The following RPS6KA6 variants were observed in gnomAD, a reference collection of about 807,000 sequenced individuals.
The protein encoded by RPS6KA6 is ribosomal protein S6 kinase alpha-6.
RPS6KA6 carries 27 observed loss-of-function variants against 65.4 expected under a neutral mutation model. The observed-to-expected ratio is 0.41, with a 90% CI of 0.30 to 0.57. The LOEUF (loss-of-function observed/expected upper bound fraction) is 0.57, where lower values mean the gene tolerates loss of function less well. Among genes scored for constraint, RPS6KA6 ranks in the 20% least tolerant of loss-of-function variants. The pLI is 0.24. For synonymous variants in RPS6KA6, 190 were observed against 184.2 expected (o/e 1.03, Z -0.26); for missense variants, 486 against 555.6 (o/e 0.87, Z 1.26).
intron 1 of RPS6KA6, among the ~76,000 whole-genome samples, chrX:84,182,061 TCTCACACA>T (rs1382326884): frequency 4.0e-4 from 31 of 77,474 alleles, no homozygotes; most frequent in East Asian, 2.8e-3. Context: ...TCTCTCTCTC[TCTCACACA>T]CACACACACA....
At chrX:84,187,714 A>T (rs1182503024) in intron 1 of RPS6KA6, 105 bp downstream of exon 1, 2 of 773,028 alleles carry the variant, frequency 2.6e-6, no homozygotes, top group Non-Finnish European at 3.7e-6. Flanking sequence ...CTTGCCCGGG[A>T]GCCCGCTTCC....
chrX:84,097,019 T>A (rs755917258), intron 19 of RPS6KA6, among the ~76,000 whole-genome samples: 1 of 111,268 alleles, frequency 9.0e-6, no homozygotes, highest in African/African-American at 3.2e-5. Flanking sequence ...CAATTTAGAG[T>A]CACCATTTTT....
Position 84,120,015 on chromosome X carries a change from C to T in RPS6KA6, c.659G>A (p.Ser220Asn). 8.5e-7 allele frequency: 1 copy of T among 1,175,261 alleles called. No individual in the cohort carries two copies. The highest frequency in any genetic ancestry group is 1.1e-6 in the Non-Finnish European group (1 of 877,576). ...CTTTTCTTGATCTACTGACTCCTTG[C>T]TGAGTCCAAAATCTATAATAACAGT... ...GHIKLTDFGL[S>N]KESVDQEKKA... Residue 220 changes from serine (S) to asparagine (N), a missense_variant, in exon 9 of 22, where the codon AGC becomes AAC. Physicochemically the swap from Ser to Asn is conservative, Grantham distance 46. Transcript: ENST00000262752.
intron 6 of RPS6KA6, among the ~76,000 whole-genome samples, chrX:84,140,556 G>A (rs1185064733): frequency 9.3e-6 from 1 of 107,824 alleles, no homozygotes; most frequent in Non-Finnish European, 1.9e-5. Context: ...AGCCAACATG[G>A]TGAAACCCCA....
Position 84,151,260 on chromosome X carries a change from T to C in RPS6KA6, c.259-3137A>G, listed in dbSNP as rs371471052. On this transcript the variant is annotated intron_variant, in intron 3 of 21. Transcript: ENST00000262752. The stretch of plus-strand genomic sequence containing the variant: ...TAGGATATATATAGATATATATATA[T>C]ACACACACACATATACATATATATA... Among the ~76,000 whole-genome samples the C allele has an allele frequency of 4.2e-3, 433 of 103,546 alleles. 1 individual carries two copies. The highest frequency in any genetic ancestry group is 0.012 in the South Asian group (28 of 2,404). 89.9% of individuals were successfully genotyped at this position (103,546 alleles called of 115,157 possible). A position where few individuals can be genotyped will look rare whatever the true frequency, so the allele number is the denominator to read the frequency against.
intron 20 of RPS6KA6, among the ~76,000 whole-genome samples, chrX:84,092,790 C>CA (rs1446295848): frequency 9.0e-6 from 1 of 111,223 alleles, no homozygotes; most frequent in Non-Finnish European, 1.9e-5. Context: ...AGTGGTTCCT[C>CA]AAAAAATTCT....
intron 1 of RPS6KA6, among the ~76,000 whole-genome samples, chrX:84,182,749 G>C (rs1009673524): frequency 8.9e-6 from 1 of 111,890 alleles, no homozygotes; most frequent in Admixed American, 9.5e-5. Flanking sequence ...CTGTGGCAGG[G>C]AGGGGCCACT....
At chrX:84,143,449 T>C (rs760063082) in intron 6 of RPS6KA6, among the ~76,000 whole-genome samples, 12 of 111,115 alleles carry the variant, frequency 1.1e-4, no homozygotes, top group African/African-American at 3.9e-4. Flanking sequence ...CTATTTACAA[T>C]AACATTAAAA....
intron 20 of RPS6KA6, among the ~76,000 whole-genome samples, chrX:84,067,065 A>G (rs2033420631): frequency 8.9e-6 from 1 of 111,905 alleles, no homozygotes; most frequent in South Asian, 3.7e-4. Flanking sequence ...AACACACAGA[A>G]AGCAACAACT....
rs754297538 is a variant in RPS6KA6, at chrX:84,110,743, C to T, written c.1009-3018G>A. The stretch of plus-strand genomic sequence containing the variant: ...TAAATTCAAAAGTAATATGTGACAG[C>T]TTCTACAGATAAGAAGGAACCAACA... On this transcript the variant is annotated intron_variant, in intron 12 of 21. Coordinates refer to ENST00000262752, the MANE Select transcript of RPS6KA6 (RefSeq NM_014496.5). 2.2e-4 allele frequency among the ~76,000 whole-genome samples: 24 copies of T among 111,225 alleles called. 1 individual carries two copies. In the South Asian group the frequency reaches 9.0e-3, roughly 42 times the overall value.
chrX:84,097,904 C>T (rs1248371913), intron 18 of RPS6KA6, 56 bp from the exon 19 acceptor site: 1 of 853,704 alleles, frequency 1.2e-6, no homozygotes, highest in East Asian at 3.3e-5. Context: ...AATTTTCTCC[C>T]AAAGAAGTTG....
chrX:84,132,684 AATATAAATAATATATT>A (rs1434303353), intron 8 of RPS6KA6, among the ~76,000 whole-genome samples: 4 of 108,604 alleles, frequency 3.7e-5, no homozygotes, highest in Non-Finnish European at 7.6e-5. Flanking sequence ...AATAATATAT[AATATAAATAATATATT>A]AGCAAGGATG....
At chrX:84,142,985 A>G (rs1052026390) in intron 6 of RPS6KA6, among the ~76,000 whole-genome samples, 8 of 111,017 alleles carry the variant, frequency 7.2e-5, no homozygotes, top group Non-Finnish European at 1.3e-4. Flanking sequence ...CATTCTATGG[A>G]GTCAGAATTA....
At chrX:84,181,199 C>T (rs1395983884) in intron 1 of RPS6KA6, among the ~76,000 whole-genome samples, 2 of 111,297 alleles carry the variant, frequency 1.8e-5, no homozygotes, top group African/African-American at 3.3e-5. Context: ...TAATAATTAC[C>T]CATGGGTTTT....
At chrX:84,176,447 C>T (rs1351800950) in intron 1 of RPS6KA6, among the ~76,000 whole-genome samples, 1 of 112,051 alleles carries the variant, frequency 8.9e-6, no homozygotes, top group East Asian at 2.8e-4. Flanking sequence ...TATATAATCA[C>T]ATTAAAATAC....
intron 10 of RPS6KA6, 85 bp downstream of exon 10, chrX:84,117,299 T>C: frequency 5.8e-6 from 4 of 692,839 alleles, no homozygotes; most frequent in East Asian, 3.6e-5. Flanking sequence ...GGTACTCTTG[T>C]ATTATTTTAA....
chrX:84,156,281 C>T (rs1184608349), intron 2 of RPS6KA6, 90 bp from the exon 3 acceptor site: 1 of 496,804 alleles, frequency 2.0e-6, no homozygotes, highest in African/African-American at 2.4e-5. Flanking sequence ...ATAGAAATAC[C>T]CAACTCCCTC....
intron 1 of RPS6KA6, among the ~76,000 whole-genome samples, chrX:84,168,142 A>G (rs1408115114): frequency 9.1e-6 from 1 of 110,337 alleles, no homozygotes; most frequent in East Asian, 2.8e-4. Context: ...CTGTAATACC[A>G]TACACTCCTT....
At chrX:84,097,721 C>G (rs1569382617) in intron 19 of RPS6KA6, 51 bp downstream of exon 19, 1 of 754,272 alleles carries the variant, frequency 1.3e-6, no homozygotes, top group East Asian at 3.2e-5. Flanking sequence ...TGAAGATATA[C>G]AGATGAAATT....
Sources: allele counts gnomAD v4.1 joint callset (sites outside exome capture counted in the v4.1 genomes callset), GRCh38; gene constraint gnomAD v4.1.1; transcripts MANE v1.5; gene names NCBI Gene and HGNC (gene_info 2026-07-23, HGNC 2026-07-21).